Variants in SYT14 observed in about 807,000 individuals in gnomAD.
SYT14 encodes synaptotagmin 14.
Under a neutral mutation model 74.2 loss-of-function variants are expected in SYT14, and 32 were observed. The observed-to-expected ratio is 0.43, with a 90% CI of 0.33 to 0.58. The LOEUF (loss-of-function observed/expected upper bound fraction) is 0.58, where lower values mean the gene tolerates loss of function less well. Among genes scored for constraint, SYT14 ranks in the 20% least tolerant of loss-of-function variants. SYT14 has a pLI of 0.05. For synonymous variants in SYT14, 298 were observed against 337.7 expected (o/e 0.88, Z 1.29); for missense variants, 791 against 981.8 (o/e 0.81, Z 2.60).
At chr1:209,992,952 G>A (rs1432149137) in intron 2 of SYT14, among the ~76,000 whole-genome samples, 2 of 152,164 alleles carry the variant, frequency 1.3e-5, no homozygotes, top group Non-Finnish European at 2.9e-5. Flanking sequence ...AAGAGCTCCT[G>A]GGAAAGAGGT....
At chr1:209,949,937 T>C (rs1226546068) in intron 1 of SYT14, among the ~76,000 whole-genome samples, 1 of 152,220 alleles carries the variant, frequency 6.6e-6, no homozygotes, top group African/African-American at 2.4e-5. Context: ...AAGAGGTTCT[T>C]TTATATAATA....
intron 2 of SYT14, among the ~76,000 whole-genome samples, chr1:209,957,696 G>A (rs1351235947): frequency 3.3e-5 from 5 of 151,958 alleles, no homozygotes; most frequent in Non-Finnish European, 7.4e-5. Context: ...CAAAGTGCTG[G>A]GATTACAGGC....
chr1:210,018,615 G>A (rs2080236757), intron 4 of SYT14, among the ~76,000 whole-genome samples: 1 of 152,072 alleles, frequency 6.6e-6, no homozygotes. Context: ...ATAGCATGTA[G>A]GGTTTTTAAC....
chr1:210,151,577 C>T (rs2083164740), intron 7 of SYT14, among the ~76,000 whole-genome samples: 1 of 137,074 alleles, frequency 7.3e-6, no homozygotes, highest in Non-Finnish European at 1.5e-5. Context: ...TTTTCTTGTA[C>T]TGAGTGATCT....
chr1:210,170,384 TCGA>T (rs2083512397), exon 10 of SYT14: 1 of 152,148 alleles, frequency 6.6e-6, no homozygotes, highest in African/African-American at 2.4e-5. Context: ...TATTCTCATG[TCGA>T]CTTTTCTACT....
intron 2 of SYT14, among the ~76,000 whole-genome samples, chr1:209,994,160 G>GA (rs1031581985): frequency 1.3e-5 from 2 of 152,132 alleles, no homozygotes; most frequent in African/African-American, 4.8e-5. Flanking sequence ...TGAAATGACT[G>GA]AAATAACAGT....
chr1:209,958,417 T>TA lies in SYT14; in HGVS notation c.-486+5666dup, dbSNP rs1424825353. On this transcript the variant is annotated intron_variant, in intron 2 of 9. Coordinates refer to ENST00000637265, the Ensembl canonical transcript of SYT14. ...TTCAGAATCAGCTTGTCAAGTTCCT[T>TA]AAAAACAAAAAGCCTTTTTGGAATT... Among the ~76,000 whole-genome samples, 72 of 149,704 alleles carry TA rather than the reference T, an allele frequency of 4.8e-4. 1 individual carries two copies. The highest frequency in any genetic ancestry group is 1.3e-3 in the African/African-American group (51 of 40,316).
intron 2 of SYT14, among the ~76,000 whole-genome samples, chr1:209,964,584 C>T (rs1242818888): frequency 2.0e-5 from 3 of 152,196 alleles, no homozygotes; most frequent in Non-Finnish European, 2.9e-5. Flanking sequence ...AAAGTATCCT[C>T]TCCTACAATT....
At chr1:209,983,049 T>C (rs1339852201) in intron 2 of SYT14, among the ~76,000 whole-genome samples, 2 of 152,172 alleles carry the variant, frequency 1.3e-5, no homozygotes, top group Non-Finnish European at 2.9e-5. Flanking sequence ...GGCTGTTTTT[T>C]TTTTTATTGT....
intron 7 of SYT14, among the ~76,000 whole-genome samples, chr1:210,148,084 C>A (rs1446328080): frequency 1.3e-5 from 2 of 150,582 alleles, no homozygotes; most frequent in Admixed American, 7.0e-5. Context: ...TCAATACTCA[C>A]ACAAACAAAA....
chr1:210,156,683 CTTTTTTTTTTTTTTT>C lies in SYT14; in HGVS notation c.2224+787_2224+801del, dbSNP rs71146208. 9.8e-4 allele frequency among the ~76,000 whole-genome samples: 55 copies of C among 56,000 alleles called. 1 individual carries two copies. The highest frequency in any genetic ancestry group is 8.2e-3 in the Admixed American group (32 of 3,916). The allele number at this position is 56,000 out of a possible 152,430, so 36.7% of individuals were successfully genotyped here. ...AGGTAAACTGGGAAAGTGGCAGCTT[CTTTTTTTTTTTTTTT>C]TTTTTTTTTTTTTGGAGACAGTTTT... On this transcript the variant is annotated intron_variant, in intron 8 of 9. Transcript: ENST00000637265.
intron 7 of SYT14, among the ~76,000 whole-genome samples, chr1:210,103,873 T>G (rs1201215814): frequency 6.6e-6 from 1 of 152,186 alleles, no homozygotes; most frequent in Non-Finnish European, 1.5e-5. Flanking sequence ...ATATGACATT[T>G]TGTGGCAGAC....
At chr1:209,963,061 T>A (rs1469045920) in intron 2 of SYT14, among the ~76,000 whole-genome samples, 3 of 152,178 alleles carry the variant, frequency 2.0e-5, no homozygotes, top group Non-Finnish European at 1.5e-5. Context: ...ATAAATCACA[T>A]TGAAATGGAA....
intron 7 of SYT14, among the ~76,000 whole-genome samples, chr1:210,115,934 A>G (rs2082351868): frequency 6.6e-6 from 1 of 151,120 alleles, no homozygotes; most frequent in Non-Finnish European, 1.5e-5. Context: ...GCTGAGTCCG[A>G]AAAGAGAGTC....
intron 7 of SYT14, among the ~76,000 whole-genome samples, chr1:210,141,046 C>CAAA (rs36006017): frequency 3.1e-5 from 3 of 97,132 alleles, no homozygotes; most frequent in African/African-American, 5.9e-5. Context: ...TTTGTTTCTG[C>CAAA]AAAAAAAAAA....
intron 5 of SYT14, among the ~76,000 whole-genome samples, chr1:210,086,023 G>C (rs1290751273): frequency 6.6e-6 from 1 of 151,942 alleles, no homozygotes; most frequent in Non-Finnish European, 1.5e-5. Context: ...TTTCTTTATT[G>C]GGGAGGTTTT....
At chr1:210,019,583 G>A (rs1041164087) in intron 4 of SYT14, among the ~76,000 whole-genome samples, 14 of 152,124 alleles carry the variant, frequency 9.2e-5, no homozygotes, top group African/African-American at 2.9e-4. Flanking sequence ...TGGTGATGGC[G>A]TTACCCATTT....
chr1:210,166,884 G>A (rs1310784626), exon 10 of SYT14: 1 of 152,110 alleles, frequency 6.6e-6, no homozygotes, highest in Non-Finnish European at 1.5e-5. Flanking sequence ...CAGAGATTAA[G>A]ACTAGGATTA....
intron 2 of SYT14, among the ~76,000 whole-genome samples, chr1:210,004,966 A>G (rs371463374): frequency 1.4e-4 from 22 of 152,164 alleles, no homozygotes; most frequent in African/African-American, 4.8e-4. Flanking sequence ...TCCAGTTGCT[A>G]TATTCAGGTG....
Sources: gnomAD v4.1 joint callset for allele counts (sites outside exome capture counted in the v4.1 genomes callset) on GRCh38, gnomAD v4.1.1 for gene constraint, MANE v1.5 for transcripts, NCBI Gene and HGNC (gene_info 2026-07-23, HGNC 2026-07-21) for gene names.